Variants in EP300 observed in about 807,000 individuals in gnomAD.
EP300 encodes histone acetyltransferase p300.
Under a neutral mutation model 264.0 loss-of-function variants are expected in EP300, and 31 were observed. The observed-to-expected ratio is 0.12, with a 90% CI of 0.09 to 0.16. The LOEUF is 0.16. Ranked by LOEUF, EP300 falls within the 10% of genes least tolerant of loss-of-function variation. The probability of loss-of-function intolerance (pLI) is 1.00; values close to 1 mark genes in which losing one functional copy is unlikely to be tolerated. For synonymous variants in EP300, 1,340 were observed against 1,045.4 expected (o/e 1.28, Z -5.44); for missense variants, 2,766 against 3,052.9 (o/e 0.91, Z 2.21).
rs185915515 is a variant in EP300, at chr22:41,167,870, C to T, written c.3875-579C>T. Reference sequence around the variant, plus strand: ...TTTTTTTGAGACAGAGTCTCGCTGTCGCCCATAGTGGCGCAGTCTCAGCTC... The same window carrying T: ...TTTTTTTGAGACAGAGTCTCGCTGTTGCCCATAGTGGCGCAGTCTCAGCTC... On this transcript the variant is annotated intron_variant, in intron 23 of 30. Transcript: ENST00000263253. 2.4e-4 allele frequency among the ~76,000 whole-genome samples: 25 copies of T among 105,536 alleles called. No homozygotes were observed. In the East Asian group the frequency reaches 5.4e-3, roughly 23 times the overall value. 69.2% of individuals were successfully genotyped at this position (105,536 alleles called of 152,430 possible).
intron 10 of EP300, among the ~76,000 whole-genome samples, chr22:41,145,783 C>T (rs2059007251): frequency 6.6e-6 from 1 of 152,002 alleles, no homozygotes; most frequent in Non-Finnish European, 1.5e-5. Flanking sequence ...ACTACAGGCG[C>T]CTGCCACCAC....
At chr22:41,121,630 T>C (rs559228956) in intron 2 of EP300, among the ~76,000 whole-genome samples, 119 of 152,272 alleles carry the variant, frequency 7.8e-4, no homozygotes, top group African/African-American at 2.7e-3. Context: ...TTCCAGGTAA[T>C]GCATCGTGAT....
At chr22:41,152,978 G>A (rs551450265) in intron 16 of EP300, among the ~76,000 whole-genome samples, 181 of 152,186 alleles carry the variant, frequency 1.2e-3, no homozygotes, top group Non-Finnish European at 1.8e-3. Context: ...GGATGGTCTC[G>A]ATCTCTTGAC....
At position 41,164,180 on chromosome 22, in the gene EP300, A is replaced by G. The variant is rs2145756555; in HGVS notation, c.3806+50A>G. On this transcript the variant is annotated intron_variant, in intron 22 of 30. Transcript: ENST00000263253. ...TCTGGAATTTTTCTTTATCGTGAAT[A>G]TTAACAAGTTTTTTATTCTATGCAA... 5.2e-6 allele frequency: 8 copies of G among 1,527,060 alleles called. No individual in the cohort carries two copies. The East Asian group carries it at 1.8e-4, about 34-fold the overall frequency. 94.6% of individuals were successfully genotyped at this position (1,527,060 alleles called of 1,614,324 possible).
At chr22:41,146,658 G>A (rs940186634) in intron 10 of EP300, 81 bp from the exon 11 acceptor site, 3 of 1,156,772 alleles carry the variant, frequency 2.6e-6, no homozygotes, top group African/African-American at 3.1e-5. Flanking sequence ...AAAATATTTT[G>A]TGGGGTTTGT....
chr22:41,133,768 C>T (rs2058933928), intron 6 of EP300, among the ~76,000 whole-genome samples: 1 of 152,000 alleles, frequency 6.6e-6, no homozygotes, highest in South Asian at 2.1e-4. Context: ...TTCTGTTTTT[C>T]TTTACTATAT....
At chr22:41,110,126 C>CA (rs2058781118) in intron 1 of EP300, among the ~76,000 whole-genome samples, 1 of 132,232 alleles carries the variant, frequency 7.6e-6, no homozygotes, top group East Asian at 2.4e-4. Flanking sequence ...TGCCCCCCCC[C>CA]CCTTTTTTTT....
At chr22:41,141,498 A>G (rs1271670989) in intron 10 of EP300, among the ~76,000 whole-genome samples, 2 of 152,210 alleles carry the variant, frequency 1.3e-5, no homozygotes, top group African/African-American at 2.4e-5. Context: ...CTAGAAAGCA[A>G]TAGCCTACAT....
At chr22:41,126,845 A>G (rs1194715274) in intron 3 of EP300, among the ~76,000 whole-genome samples, 2 of 140,786 alleles carry the variant, frequency 1.4e-5, no homozygotes, top group Non-Finnish European at 3.0e-5. Flanking sequence ...CCTGGTTTCA[A>G]GCAACTCTCC....
chr22:41,149,771 C>G lies in EP300; in HGVS notation c.2390C>G (p.Ser797Cys), dbSNP rs1184805299. The change falls in exon 14 of 31, where the codon TCT becomes TGT. Residue 797 changes from serine to cysteine, a missense_variant. Transcript: ENST00000263253. Reference sequence around the variant, plus strand: ...TTTTTATTTTAACAGGCACAAATGTCTAGTTCTTCCTGCCCGGTGAACTCT... The same window carrying G: ...TTTTTATTTTAACAGGCACAAATGTGTAGTTCTTCCTGCCCGGTGAACTCT... ...GQAPVSQAQM[S>C]SSSCPVNSPI... 1 of 1,613,958 alleles carries G rather than the reference C, an allele frequency of 6.2e-7. No homozygotes were observed. The highest frequency in any genetic ancestry group is 8.5e-7 in the Non-Finnish European group (1 of 1,180,010).
chr22:41,162,410 A>G (rs1483881208), intron 20 of EP300, among the ~76,000 whole-genome samples: 1 of 152,152 alleles, frequency 6.6e-6, no homozygotes, highest in Non-Finnish European at 1.5e-5. Context: ...GGGTTTCAGG[A>G]TGGGAAGCCA....
chr22:41,102,210 TCTTTC>T (rs2058735882), intron 1 of EP300, among the ~76,000 whole-genome samples: 1 of 152,152 alleles, frequency 6.6e-6, no homozygotes, highest in Non-Finnish European at 1.5e-5. Context: ...CATTGTTCCT[TCTTTC>T]CTTCCTGGAG....
At chr22:41,144,837 G>T (rs1406518651) in intron 10 of EP300, among the ~76,000 whole-genome samples, 1 of 151,994 alleles carries the variant, frequency 6.6e-6, no homozygotes, top group Admixed American at 6.6e-5. Context: ...CATTTGATTA[G>T]TCTCAAATAC....
At chr22:41,156,478 T>G (rs989024060) in intron 17 of EP300, among the ~76,000 whole-genome samples, 1 of 152,114 alleles carries the variant, frequency 6.6e-6, no homozygotes, top group Non-Finnish European at 1.5e-5. Flanking sequence ...CCCAACACTT[T>G]TGGAGGCCAA....
chr22:41,100,588 T>A (rs1012286925), intron 1 of EP300, among the ~76,000 whole-genome samples: 46 of 152,224 alleles, frequency 3.0e-4, no homozygotes, highest in African/African-American at 1.1e-3. Context: ...GTACTGGACA[T>A]GTACAGACTT....
chr22:41,112,123 C>T (rs951264361), intron 1 of EP300, among the ~76,000 whole-genome samples: 5 of 149,080 alleles, frequency 3.4e-5, no homozygotes, highest in Admixed American at 6.7e-5. Context: ...CTCCTGAACT[C>T]GTGATCCGCC....
chr22:41,179,118 A>G lies in EP300; in HGVS notation c.*162A>G, dbSNP rs996763101. 1 of 734,158 alleles carries G rather than the reference A, an allele frequency of 1.4e-6. No individual in the cohort carries two copies. Among genetic ancestry groups the G allele is most frequent in the Admixed American group, 2.8e-5 (1 of 35,950 alleles). 45.5% of individuals were successfully genotyped at this position (734,158 alleles called of 1,614,324 possible). ...CGTTTGTGGTTTAAAGCAAACATGCAAGATGAACCTGAGGGATGATAGAAT... is the reference window on the plus strand; with the variant it reads ...CGTTTGTGGTTTAAAGCAAACATGCGAGATGAACCTGAGGGATGATAGAAT... On this transcript the variant is annotated 3_prime_UTR_variant, in exon 31 of 31. Coordinates refer to ENST00000263253, the MANE Select transcript of EP300 (RefSeq NM_001429.4).
Position 41,160,667 on chromosome 22 carries a change from A to T in EP300, c.3616A>T (p.Asn1206Tyr), listed in dbSNP as rs2145752400. 3 of 1,614,080 alleles carry T rather than the reference A, an allele frequency of 1.9e-6. No individual in the cohort carries two copies. The highest frequency in any genetic ancestry group is 1.7e-6 in the Non-Finnish European group (2 of 1,179,974). Residue 1206 changes from asparagine (N) to tyrosine (Y), a missense_variant, in exon 20 of 31, where the codon AAT becomes TAT. By Grantham distance (143) the Asn-to-Tyr change is moderately radical. Coordinates refer to ENST00000263253, the MANE Select transcript of EP300 (RefSeq NM_001429.4). Reference protein sequence around the residue: ...NRYHFCEKCFNEIQGESVSLG... With the variant: ...NRYHFCEKCFYEIQGESVSLG... ...GTATCATTTCTGTGAGAAGTGTTTC[A>T]ATGAGATCCAAGGGGAGAGCGTTTC...
intron 23 of EP300, among the ~76,000 whole-genome samples, chr22:41,167,841 T>TG (rs1569115974): frequency 4.8e-5 from 5 of 103,656 alleles, no homozygotes; most frequent in Middle Eastern, 4.3e-3. Context: ...TTTTTTTTTT[T>TG]TTTTTTTTTT....
Sources: allele counts gnomAD v4.1 joint callset (sites outside exome capture counted in the v4.1 genomes callset), GRCh38; gene constraint gnomAD v4.1.1; transcripts MANE v1.5; gene names NCBI Gene and HGNC (gene_info 2026-07-23, HGNC 2026-07-21).